GPC6: variants seen among roughly 807,000 people sequenced by gnomAD.
The protein encoded by GPC6 is glypican 6, also known as glypican-6.
In GPC6, 14 loss-of-function variants were observed where a neutral mutation model predicts 55.2. The ratio of observed to expected loss-of-function variants is 0.25; its 90% CI spans 0.17 to 0.40. The LOEUF (loss-of-function observed/expected upper bound fraction) is 0.40, where lower values mean the gene tolerates loss of function less well. GPC6 is among the 10% of genes least tolerant of loss of function. The pLI is 1.00. For missense variants in GPC6, 641 were observed against 708.5 expected (o/e 0.90, Z 1.08); for synonymous variants, 278 against 259.6 (o/e 1.07, Z -0.68).
At chr13:93,323,341 G>A (rs1302528238) in intron 1 of GPC6, among the ~76,000 whole-genome samples, 1 of 152,154 alleles carries the variant, frequency 6.6e-6, no homozygotes, top group Non-Finnish European at 1.5e-5. Flanking sequence ...ATGTATGTGT[G>A]AGATATGTGA....
chr13:93,369,220 A>G (rs1213110863), intron 1 of GPC6, among the ~76,000 whole-genome samples: 1 of 152,146 alleles, frequency 6.6e-6, no homozygotes, highest in Non-Finnish European at 1.5e-5. Flanking sequence ...CTATATATTA[A>G]TATATTGATG....
At chr13:93,554,411 C>T (rs540405061) in intron 2 of GPC6, among the ~76,000 whole-genome samples, 1 of 152,294 alleles carries the variant, frequency 6.6e-6, no homozygotes, top group East Asian at 1.9e-4. Context: ...AATGACATCT[C>T]TAATCTATCC....
chr13:94,266,287 G>A (rs1037163813), intron 4 of GPC6, among the ~76,000 whole-genome samples: 9 of 152,084 alleles, frequency 5.9e-5, no homozygotes, highest in Admixed American at 5.9e-4. Context: ...TCCTGCATCA[G>A]CCTCCCGAGT....
intron 2 of GPC6, among the ~76,000 whole-genome samples, chr13:93,803,199 C>A (rs1253419415): frequency 6.6e-6 from 1 of 151,928 alleles, no homozygotes; most frequent in Non-Finnish European, 1.5e-5. Flanking sequence ...TAAATTATGT[C>A]TTTGATAAGG....
intron 6 of GPC6, among the ~76,000 whole-genome samples, chr13:94,350,329 G>C (rs1417284948): frequency 6.6e-6 from 1 of 152,154 alleles, no homozygotes; most frequent in African/African-American, 2.4e-5. Flanking sequence ...AACTTCATCA[G>C]AGTCTCTGTG....
intron 1 of GPC6, among the ~76,000 whole-genome samples, chr13:93,507,408 A>G (rs1880778430): frequency 2.6e-5 from 4 of 152,168 alleles, no homozygotes. Context: ...TAATCAACGA[A>G]GATGCAACTA....
intron 3 of GPC6, among the ~76,000 whole-genome samples, chr13:93,961,008 G>A (rs1358278187): frequency 6.6e-6 from 1 of 151,826 alleles, no homozygotes; most frequent in East Asian, 1.9e-4. Flanking sequence ...TAGAGGCGGG[G>A]TTTCACCGTG....
intron 1 of GPC6, among the ~76,000 whole-genome samples, chr13:93,280,893 G>A (rs546855487): frequency 7.2e-5 from 11 of 152,268 alleles, no homozygotes; most frequent in South Asian, 6.2e-4. Flanking sequence ...AACAGGGTTC[G>A]TGCTCCTATG....
chr13:93,791,103 T>C (rs1217987322), intron 2 of GPC6, among the ~76,000 whole-genome samples: 1 of 152,144 alleles, frequency 6.6e-6, no homozygotes, highest in South Asian at 2.1e-4. Flanking sequence ...AAAATGTTGG[T>C]TCTGTACATA....
At chr13:94,145,240 T>A (rs1378204383) in intron 4 of GPC6, among the ~76,000 whole-genome samples, 1 of 152,126 alleles carries the variant, frequency 6.6e-6, no homozygotes, top group Non-Finnish European at 1.5e-5. Flanking sequence ...CCTAACATTC[T>A]ATATAAAGCA....
chr13:94,073,954 C>T (rs565180057), intron 4 of GPC6, among the ~76,000 whole-genome samples: 22 of 152,124 alleles, frequency 1.4e-4, no homozygotes, highest in African/African-American at 5.1e-4. Context: ...AAAATAAGTA[C>T]GATAATATCG....
chr13:94,385,450 AG>A (rs1880359851), intron 7 of GPC6, among the ~76,000 whole-genome samples: 1 of 152,234 alleles, frequency 6.6e-6, no homozygotes, highest in South Asian at 2.1e-4. Context: ...GATTTTATGC[AG>A]GTGGGAAAAT....
intron 4 of GPC6, among the ~76,000 whole-genome samples, chr13:94,232,490 A>T (rs756781914): frequency 7.2e-5 from 11 of 152,244 alleles, no homozygotes; most frequent in Non-Finnish European, 1.5e-4. Context: ...AGGAAATCTA[A>T]ATTTTTACCA....
intron 2 of GPC6, among the ~76,000 whole-genome samples, chr13:93,618,720 G>A (rs938553394): frequency 6.6e-6 from 1 of 152,100 alleles, no homozygotes; most frequent in Non-Finnish European, 1.5e-5. Context: ...TATTGAAAAT[G>A]TATCAATATT....
At chr13:93,419,005 TTTA>T (rs1437101434) in intron 1 of GPC6, among the ~76,000 whole-genome samples, 49 of 151,318 alleles carry the variant, frequency 3.2e-4, no homozygotes, top group Admixed American at 1.6e-3. Flanking sequence ...ATAGTATCAT[TTTA>T]TTAATAGCAC....
At chr13:94,173,808 T>G (rs745752710) in intron 4 of GPC6, among the ~76,000 whole-genome samples, 14 of 152,314 alleles carry the variant, frequency 9.2e-5, no homozygotes, top group Middle Eastern at 3.4e-3. Flanking sequence ...TGAGGGAAAC[T>G]TAGAAAGCTC....
chr13:93,537,753 T>A (rs1225022267), intron 1 of GPC6, among the ~76,000 whole-genome samples: 1 of 152,166 alleles, frequency 6.6e-6, no homozygotes, highest in Admixed American at 6.6e-5. Flanking sequence ...TACCATCATT[T>A]CCATTCTTAC....
chr13:93,248,363 T>C (rs750441326), intron 1 of GPC6, among the ~76,000 whole-genome samples: 19 of 150,760 alleles, frequency 1.3e-4, no homozygotes, highest in Non-Finnish European at 2.4e-4. Context: ...GGATATATTT[T>C]CAAAAGTATG....
intron 4 of GPC6, among the ~76,000 whole-genome samples, chr13:94,044,082 G>A (rs1047717464): frequency 3.3e-5 from 5 of 151,630 alleles, no homozygotes; most frequent in Admixed American, 1.3e-4. Flanking sequence ...TATGTGTTTA[G>A]CTATGTCCCC....
Sources: gnomAD v4.1 joint callset for allele counts (sites outside exome capture counted in the v4.1 genomes callset) on GRCh38, gnomAD v4.1.1 for gene constraint, MANE v1.5 for transcripts, NCBI Gene and HGNC (gene_info 2026-07-23, HGNC 2026-07-21) for gene names.